Variants in SPATA19 observed in about 807,000 individuals in gnomAD.
SPATA19 encodes spermatogenesis associated 19, also known as spermatogenesis-associated protein 19, mitochondrial.
SPATA19 carries 19 observed loss-of-function variants against 25.0 expected under a neutral mutation model. The observed-to-expected ratio is 0.76, with a 90% CI of 0.53 to 1.11. The LOEUF (loss-of-function observed/expected upper bound fraction) is 1.11. Among genes scored for constraint, SPATA19 ranks in the 50% most tolerant of loss-of-function variants. SPATA19 has a pLI of 0.00. For missense variants in SPATA19, 222 were observed against 211.4 expected (o/e 1.05, Z -0.31); for synonymous variants, 64 against 69.3 (o/e 0.92, Z 0.38).
intron 6 of SPATA19, among the ~76,000 whole-genome samples, chr11:133,841,533 T>C (rs1322815345): frequency 6.6e-6 from 1 of 152,086 alleles, no homozygotes; most frequent in Non-Finnish European, 1.5e-5. Context: ...CAGGGCCTCA[T>C]AAACAGCCCC....
downstream of SPATA19, among the ~76,000 whole-genome samples, chr11:133,838,644 C>A (rs558450717): frequency 7.9e-5 from 12 of 152,196 alleles, no homozygotes; most frequent in East Asian, 1.9e-4. Flanking sequence ...TCTAAAACAC[C>A]AAAAGCAATG....
intron 5 of SPATA19, 150 bp from the exon 6 acceptor site, chr11:133,842,255 C>A: frequency 1.2e-6 from 1 of 824,186 alleles, no homozygotes; most frequent in Non-Finnish European, 2.0e-6. Context: ...TATGAACAGG[C>A]CCACAGCCTG....
downstream of SPATA19, among the ~76,000 whole-genome samples, chr11:133,839,792 G>A (rs1330572633): frequency 6.6e-6 from 1 of 152,010 alleles, no homozygotes. Context: ...AAAACTGTGG[G>A]ACAATCTCAA....
chr11:133,844,166 G>C lies in SPATA19; in HGVS notation c.359+80C>G, dbSNP rs1456649599. 23 of 1,151,832 alleles carry C rather than the reference G, an allele frequency of 2.0e-5. No individual in the cohort carries two copies. The East Asian group carries it at 4.9e-4, about 25-fold the overall frequency. 71.4% of individuals were successfully genotyped at this position (1,151,832 alleles called of 1,614,324 possible). On this transcript the variant is annotated intron_variant, in intron 4 of 6. Transcript: ENST00000299140. ...CCAAAGACGACATCTCTAGAGAAGAGCATCTGAGGGTTCGTGAAGAGAGGG... is the reference window on the plus strand; with the variant it reads ...CCAAAGACGACATCTCTAGAGAAGACCATCTGAGGGTTCGTGAAGAGAGGG...
chr11:133,843,070 C>A (rs1031650997), intron 4 of SPATA19, among the ~76,000 whole-genome samples: 3 of 151,964 alleles, frequency 2.0e-5, no homozygotes, highest in African/African-American at 7.3e-5. Context: ...GAGGGGGACA[C>A]CAAAACCAGT....
chr11:133,845,286 A>T (rs997550364), intron 1 of SPATA19, 83 bp downstream of exon 1: 33 of 1,429,660 alleles, frequency 2.3e-5, no homozygotes, highest in Non-Finnish European at 3.0e-5. Flanking sequence ...TATTTGTAAG[A>T]TCTCTATGAA....
At chr11:133,843,479 G>T (rs928033245) in intron 4 of SPATA19, among the ~76,000 whole-genome samples, 2 of 152,182 alleles carry the variant, frequency 1.3e-5, no homozygotes, top group Non-Finnish European at 2.9e-5. Flanking sequence ...GCCACTAGAA[G>T]GGGTAAGCAC....
downstream of SPATA19, among the ~76,000 whole-genome samples, chr11:133,839,851 G>A (rs1337848783): frequency 6.6e-6 from 1 of 152,050 alleles, no homozygotes; most frequent in Non-Finnish European, 1.5e-5. Context: ...AATAAAAAGA[G>A]AGAAGAATAC....
intron 6 of SPATA19, among the ~76,000 whole-genome samples, chr11:133,841,624 C>A (rs1238000150): frequency 6.6e-6 from 1 of 152,184 alleles, no homozygotes; most frequent in Non-Finnish European, 1.5e-5. Context: ...GGTCTAAAAC[C>A]TACACAGCAT....
downstream of SPATA19, among the ~76,000 whole-genome samples, chr11:133,839,581 A>G (rs1475783317): frequency 6.6e-6 from 1 of 152,012 alleles, no homozygotes; most frequent in Admixed American, 6.6e-5. Context: ...CTTAATGTTA[A>G]ATGACGAGTT....
rs1938284682 is a variant in SPATA19 at position 133,840,631 on chromosome 11, G to A, written c.*302C>T. 1.3e-5 allele frequency: 2 copies of A among 152,206 alleles called. No individual in the cohort carries two copies. 9.4% of individuals were successfully genotyped at this position (152,206 alleles called of 1,614,324 possible). ...CAGCACCCCAACCAGCAACAGGGCG[G>A]GTTGTTAAACAGCACATCTCTTTAT... is the stretch of plus-strand genomic sequence containing the variant. On this transcript the variant is annotated 3_prime_UTR_variant, in exon 7 of 7. Coordinates refer to ENST00000299140, the MANE Select transcript of SPATA19 (RefSeq NM_174927.3).
chr11:133,843,693 G>A (rs1425732415), intron 4 of SPATA19, among the ~76,000 whole-genome samples: 1 of 152,170 alleles, frequency 6.6e-6, no homozygotes. Context: ...TGCAGGAAAG[G>A]AAATAGGAAA....
At chr11:133,842,850 G>C (rs776943482) in intron 4 of SPATA19, among the ~76,000 whole-genome samples, 4 of 152,104 alleles carry the variant, frequency 2.6e-5, no homozygotes, top group African/African-American at 4.8e-5. Context: ...GGTCTCGTGA[G>C]CCGTGGAATT....
chr11:133,841,135 T>C (rs1002340151), intron 6 of SPATA19, among the ~76,000 whole-genome samples: 2 of 152,276 alleles, frequency 1.3e-5, no homozygotes, highest in East Asian at 1.9e-4. Context: ...CCAAAGTAGA[T>C]ACTCTGTTGC....
chr11:133,839,395 A>G (rs1938265047), downstream of SPATA19, among the ~76,000 whole-genome samples: 1 of 152,182 alleles, frequency 6.6e-6, no homozygotes, highest in South Asian at 2.1e-4. Context: ...CATGGATGAA[A>G]CTGGAAACCA....
At chr11:133,842,379 C>T (rs1938327363) in intron 5 of SPATA19, 106 bp downstream of exon 5, 3 of 878,998 alleles carry the variant, frequency 3.4e-6, no homozygotes, top group Non-Finnish European at 5.8e-6. Context: ...TTGATGTTGG[C>T]ATACCAGAGA....
downstream of SPATA19, among the ~76,000 whole-genome samples, chr11:133,839,693 A>T (rs999877046): frequency 5.9e-5 from 9 of 152,180 alleles, no homozygotes; most frequent in African/African-American, 2.2e-4. Flanking sequence ...TAATTAAAAA[A>T]TTTAAAAAAA....
At chr11:133,843,754 C>G (rs553095682) in intron 4 of SPATA19, among the ~76,000 whole-genome samples, 1 of 152,290 alleles carries the variant, frequency 6.6e-6, no homozygotes, top group South Asian at 2.1e-4. Flanking sequence ...GGCCTCGGGG[C>G]TCAGCATCTG....
chr11:133,836,448 C>T (rs980337445), downstream of SPATA19, among the ~76,000 whole-genome samples: 1 of 152,204 alleles, frequency 6.6e-6, no homozygotes, highest in African/African-American at 2.4e-5. Context: ...TAAAGCTCAC[C>T]ACCAACAACA....
Sources: allele counts gnomAD v4.1 joint callset (sites outside exome capture counted in the v4.1 genomes callset), GRCh38; gene constraint gnomAD v4.1.1; transcripts MANE v1.5; gene names NCBI Gene and HGNC (gene_info 2026-07-23, HGNC 2026-07-21).